Variants in GRAMD1C observed in about 807,000 individuals in gnomAD.
GRAMD1C encodes the protein protein Aster-C.
GRAMD1C carries 89 observed loss-of-function variants against 97.8 expected under a neutral mutation model. That is an observed-to-expected ratio of 0.91 (90% CI 0.77 to 1.09). The LOEUF is 1.09. GRAMD1C is among the 50% of genes least tolerant of loss of function. GRAMD1C has a pLI of 0.00. For missense variants in GRAMD1C, 740 were observed against 766.4 expected, an observed-to-expected ratio of 0.97 and a Z score of 0.41; for synonymous variants, 256 against 267.0, an observed-to-expected ratio of 0.96 and a Z score of 0.40.
intron 9 of GRAMD1C, among the ~76,000 whole-genome samples, chr3:113,910,997 A>G (rs984880135): frequency 1.3e-5 from 2 of 152,188 alleles, no homozygotes; most frequent in Non-Finnish European, 2.9e-5. Context: ...ATTTCATATA[A>G]TTCTGGAGGA....
chr3:113,830,173 C>A (rs1027140231), intron 1 of GRAMD1C, among the ~76,000 whole-genome samples: 9 of 152,112 alleles, frequency 5.9e-5, no homozygotes, highest in African/African-American at 1.7e-4. Flanking sequence ...GCACAGCATG[C>A]AAAGAAGCTG....
intron 10 of GRAMD1C, among the ~76,000 whole-genome samples, chr3:113,924,626 G>A (rs1276059473): frequency 1.3e-5 from 2 of 152,154 alleles, no homozygotes; most frequent in South Asian, 2.1e-4. Flanking sequence ...ACTGTGGTCC[G>A]AGAGTGTGGT....
intron 3 of GRAMD1C, among the ~76,000 whole-genome samples, chr3:113,872,322 T>C (rs769306784): frequency 4.6e-5 from 7 of 152,128 alleles, no homozygotes; most frequent in Non-Finnish European, 1.0e-4. Flanking sequence ...ATTATTGTTT[T>C]GAATCTTGCT....
At chr3:113,882,625 T>C in intron 5 of GRAMD1C, 127 bp from the exon 6 acceptor site, 1 of 522,532 alleles carries the variant, frequency 1.9e-6, no homozygotes, top group Non-Finnish European at 3.5e-6. Flanking sequence ...AAAAATAGTA[T>C]ACAAAGTAGG....
chr3:113,913,519 A>G (rs1253352369), intron 9 of GRAMD1C, among the ~76,000 whole-genome samples: 1 of 151,944 alleles, frequency 6.6e-6, no homozygotes, highest in Non-Finnish European at 1.5e-5. Flanking sequence ...AATTGTACAT[A>G]TCTAGAAATA....
intron 3 of GRAMD1C, among the ~76,000 whole-genome samples, chr3:113,870,607 A>G (rs1055080641): frequency 6.6e-6 from 1 of 152,194 alleles, no homozygotes; most frequent in Non-Finnish European, 1.5e-5. Flanking sequence ...ATACAAAGAT[A>G]TGATAAATAG....
intron 12 of GRAMD1C, 146 bp downstream of exon 12, chr3:113,933,799 G>C: frequency 1.7e-6 from 1 of 584,276 alleles, no homozygotes; most frequent in Non-Finnish European, 2.9e-6. Context: ...GAGGAGTGGG[G>C]CTTCTCACCT....
At chr3:113,910,633 T>C (rs1411845423) in intron 9 of GRAMD1C, among the ~76,000 whole-genome samples, 1 of 152,038 alleles carries the variant, frequency 6.6e-6, no homozygotes, top group African/African-American at 2.4e-5. Flanking sequence ...GGTAACAAAA[T>C]TGGGAAAGAA....
intron 2 of GRAMD1C, among the ~76,000 whole-genome samples, chr3:113,856,036 G>A (rs992208153): frequency 2.6e-5 from 4 of 151,852 alleles, no homozygotes; most frequent in African/African-American, 4.8e-5. Flanking sequence ...TTACAGGCAC[G>A]TGCCACCAGC....
At chr3:113,933,368 G>A (rs976928968) in intron 11 of GRAMD1C, 143 bp from the exon 12 acceptor site, 3 of 570,384 alleles carry the variant, frequency 5.3e-6, no homozygotes, top group Non-Finnish European at 3.1e-6. Context: ...GAGTCAGCAT[G>A]TAGGCTCTTT....
At chr3:113,930,863 T>C in intron 11 of GRAMD1C, 31 bp downstream of exon 11, 1 of 1,132,954 alleles carries the variant, frequency 8.8e-7, no homozygotes, top group East Asian at 2.3e-5. Flanking sequence ...TCCAGAAGAG[T>C]CATGTGTGGG....
chr3:113,883,535 A>C (rs557975148), intron 6 of GRAMD1C, among the ~76,000 whole-genome samples: 4 of 152,134 alleles, frequency 2.6e-5, no homozygotes, highest in South Asian at 2.1e-4. Flanking sequence ...AAAAAAAAAA[A>C]AAAAACAACC....
At chr3:113,924,281 G>T (rs1380988446) in intron 10 of GRAMD1C, among the ~76,000 whole-genome samples, 2 of 151,740 alleles carry the variant, frequency 1.3e-5, no homozygotes, top group Non-Finnish European at 1.5e-5. Flanking sequence ...ATTCTGTTTA[G>T]CTCTAATTTT....
intron 6 of GRAMD1C, chr3:113,885,468 C>T: frequency 6.3e-7 from 1 of 1,597,290 alleles, no homozygotes; most frequent in Non-Finnish European, 8.6e-7. Flanking sequence ...ATTGGCTAGC[C>T]CAGGTGAGGA....
At chr3:113,835,996 GCTCACGC>G (rs1157327598), upstream of GRAMD1C, among the ~76,000 whole-genome samples, 4 of 152,308 alleles carry the variant, frequency 2.6e-5, no homozygotes, top group South Asian at 2.1e-4. Context: ...AGGTGCAGTG[GCTCACGC>G]CTGTAATCTC....
At chr3:113,832,600 G>A (rs1459244422) in intron 1 of GRAMD1C, among the ~76,000 whole-genome samples, 2 of 151,908 alleles carry the variant, frequency 1.3e-5, no homozygotes, top group East Asian at 3.9e-4. Flanking sequence ...GCCCCATTCT[G>A]CCCTCTTCAT....
intron 10 of GRAMD1C, among the ~76,000 whole-genome samples, chr3:113,924,034 C>A (rs557889709): frequency 2.7e-4 from 40 of 147,978 alleles, no homozygotes; most frequent in African/African-American, 9.6e-4. Context: ...GAAATTTATC[C>A]ATTTCTTCTA....
chr3:113,838,176 G>A (rs1298376478), upstream of GRAMD1C, among the ~76,000 whole-genome samples: 1 of 152,218 alleles, frequency 6.6e-6, no homozygotes, highest in African/African-American at 2.4e-5. Context: ...CCATTTAGAT[G>A]GCTGGGGGTG....
chr3:113,941,937 A>C (rs1937808746), intron 17 of GRAMD1C, among the ~76,000 whole-genome samples: 1 of 136,256 alleles, frequency 7.3e-6, no homozygotes, highest in African/African-American at 2.9e-5. Context: ...TTTTTTTGAG[A>C]CAAGAGTCTT....
Sources: gnomAD v4.1 joint callset for allele counts (sites outside exome capture counted in the v4.1 genomes callset) on GRCh38, gnomAD v4.1.1 for gene constraint, MANE v1.5 for transcripts, NCBI Gene and HGNC (gene_info 2026-07-23, HGNC 2026-07-21) for gene names.